Variants in GALK2 observed in about 807,000 individuals in gnomAD.
GALK2 encodes N-acetylgalactosamine kinase.
A neutral mutation model predicts 52.4 loss-of-function variants in GALK2; 36 were observed. The observed-to-expected ratio is 0.69, with a 90% confidence interval of 0.53 to 0.91. GALK2 has a LOEUF of 0.91. Ranked by LOEUF, GALK2 falls within the 40% of genes least tolerant of loss-of-function variation. The pLI is 0.00. For missense variants in GALK2, 579 were observed against 559.1 expected (o/e 1.04, Z -0.36); for synonymous variants, 176 against 199.1 (o/e 0.88, Z 0.98).
intron 3 of GALK2, among the ~76,000 whole-genome samples, chr15:49,233,743 G>A (rs927543347): frequency 1.3e-5 from 2 of 152,186 alleles, no homozygotes; most frequent in Non-Finnish European, 2.9e-5. Flanking sequence ...GTCAGACTAC[G>A]CATTTTTGGA....
At chr15:49,326,467 G>T (rs769918401) in intron 9 of GALK2, among the ~76,000 whole-genome samples, 1 of 151,966 alleles carries the variant, frequency 6.6e-6, no homozygotes, top group Non-Finnish European at 1.5e-5. Context: ...GGTCAGGCTG[G>T]TCTCAAACTC....
chr15:49,155,895 A>G (rs2141139858), exon 1 of GALK2: 1 of 1,309,678 alleles, frequency 7.6e-7, no homozygotes. Flanking sequence ...TCCTGGGTAA[A>G]GGAGCAGTCT....
chr15:49,214,332 C>CTT (rs35359586), intron 2 of GALK2, among the ~76,000 whole-genome samples: 3,532 of 126,634 alleles, frequency 0.028, 118 homozygotes, highest in Non-Finnish European at 0.04. Context: ...CACTTTGTCA[C>CTT]TTTTTTTTTT....
chr15:49,155,873 CA>C (rs1431541659), exon 1 of GALK2: 1 of 1,079,638 alleles, frequency 9.3e-7, no homozygotes, highest in Non-Finnish European at 1.4e-6. Flanking sequence ...TCGCATCGAG[CA>C]GTTTCCAGCC....
intron 7 of GALK2, among the ~76,000 whole-genome samples, chr15:49,287,179 G>A (rs184953865): frequency 2.0e-5 from 3 of 152,268 alleles, no homozygotes; most frequent in African/African-American, 4.8e-5. Context: ...GTTTAACTGC[G>A]TAACCCCATA....
At chr15:49,166,330 C>T (rs2084822298), upstream of GALK2, among the ~76,000 whole-genome samples, 1 of 152,146 alleles carries the variant, frequency 6.6e-6, no homozygotes, top group Middle Eastern at 3.2e-3. Flanking sequence ...TTATTTCCTC[C>T]ATAACTACAT....
chr15:49,297,564 C>T (rs2034593702), intron 8 of GALK2, among the ~76,000 whole-genome samples: 1 of 152,032 alleles, frequency 6.6e-6, no homozygotes, highest in African/African-American at 2.4e-5. Context: ...AGTTTTAAGT[C>T]ACACATTTAA....
At chr15:49,219,995 A>G (rs944315789) in intron 3 of GALK2, among the ~76,000 whole-genome samples, 4 of 146,930 alleles carry the variant, frequency 2.7e-5, no homozygotes, top group Admixed American at 2.7e-4. Context: ...ACCTAGATAT[A>G]TTCTTTGTTG....
chr15:49,274,888 A>G (rs370667908), intron 5 of GALK2, among the ~76,000 whole-genome samples: 18 of 152,304 alleles, frequency 1.2e-4, no homozygotes, highest in African/African-American at 4.3e-4. Flanking sequence ...AATAACATGG[A>G]TGGAGCTGTC....
chr15:49,273,142 C>G (rs569665031), intron 5 of GALK2, among the ~76,000 whole-genome samples: 1 of 152,094 alleles, frequency 6.6e-6, no homozygotes, highest in Non-Finnish European at 1.5e-5. Context: ...TAGGAACATA[C>G]GAATATCCAG....
intron 3 of GALK2, among the ~76,000 whole-genome samples, chr15:49,358,339 C>A (rs2043551012): frequency 8.4e-6 from 1 of 118,346 alleles, no homozygotes; most frequent in African/African-American, 3.3e-5. Flanking sequence ...TAGAAAACCC[C>A]ATTGTCTCAG....
chr15:49,225,791 C>T (rs964322271), intron 3 of GALK2, among the ~76,000 whole-genome samples: 1 of 152,220 alleles, frequency 6.6e-6, no homozygotes, highest in African/African-American at 2.4e-5. Flanking sequence ...TGGGACTGGC[C>T]CACAGCTCCA....
chr15:49,349,690 A>G (rs2163095), intron 3 of GALK2, among the ~76,000 whole-genome samples: 63,762 of 151,876 alleles, frequency 0.42, 13,524 homozygotes, highest in African/African-American at 0.45. Flanking sequence ...TAAAAAGGCA[A>G]TTGCAGACTT....
intron 5 of GALK2, among the ~76,000 whole-genome samples, chr15:49,263,967 G>T (rs1856520640): frequency 6.6e-6 from 1 of 151,874 alleles, no homozygotes; most frequent in Non-Finnish European, 1.5e-5. Flanking sequence ...TTCCCTTTGA[G>T]GGTAACCCGA....
chr15:49,223,251 T>G (rs2089932284), intron 3 of GALK2: 1 of 152,220 alleles, frequency 6.6e-6, no homozygotes, highest in Admixed American at 6.5e-5. Context: ...TTGATTCTGA[T>G]TTTGTTTATT....
chr15:49,167,387 C>T (rs186181073), upstream of GALK2, among the ~76,000 whole-genome samples: 305 of 151,916 alleles, frequency 2.0e-3, 1 homozygote, highest in Non-Finnish European at 3.1e-3. Flanking sequence ...GATGGAGTTT[C>T]GCTCTTGGTT....
At chr15:49,198,838 T>TCCCTCCCTCC (rs2087470108) in intron 1 of GALK2, 2 of 88,164 alleles carry the variant, frequency 2.3e-5, no homozygotes, top group Admixed American at 1.4e-4. Context: ...TCCCCTCCCC[T>TCCCTCCCTCC]CTCCCTCCCT....
chr15:49,166,780 T>C (rs1159467080), upstream of GALK2, among the ~76,000 whole-genome samples: 1 of 152,174 alleles, frequency 6.6e-6, no homozygotes, highest in Non-Finnish European at 1.5e-5. Flanking sequence ...TTACATATTA[T>C]TTACTATAAT....
At chr15:49,301,112 C>CT (rs995815592) in intron 8 of GALK2, among the ~76,000 whole-genome samples, 1 of 151,904 alleles carries the variant, frequency 6.6e-6, no homozygotes. Flanking sequence ...GTTGGAATTT[C>CT]TTTTTTTTAA....
Sources: gnomAD v4.1 joint callset for allele counts (sites outside exome capture counted in the v4.1 genomes callset) on GRCh38, gnomAD v4.1.1 for gene constraint, MANE v1.5 for transcripts, NCBI Gene and HGNC (gene_info 2026-07-23, HGNC 2026-07-21) for gene names.